Variants in FNBP4 observed in about 807,000 individuals in gnomAD.
FNBP4 encodes formin-binding protein 4.
FNBP4 carries 34 observed loss-of-function variants against 119.3 expected under a neutral mutation model. The observed-to-expected ratio is 0.28, with a 90% confidence interval of 0.22 to 0.38. The LOEUF (loss-of-function observed/expected upper bound fraction) is 0.38. FNBP4 is among the 10% of genes least tolerant of loss of function. The pLI is 1.00. For missense variants in FNBP4, 1,112 were observed against 1,228.9 expected, an observed-to-expected ratio of 0.90 and a Z score of 1.42; for synonymous variants, 462 against 430.6, an observed-to-expected ratio of 1.07 and a Z score of -0.90.
intron 6 of FNBP4, among the ~76,000 whole-genome samples, 165 bp downstream of exon 6, chr11:47,750,751 C>A (rs926166451): frequency 7.1e-6 from 1 of 141,654 alleles, no homozygotes; most frequent in Non-Finnish European, 1.5e-5. Flanking sequence ...AAGTGAGTAA[C>A]CGCTATAAAG....
chr11:47,742,588 C>T (rs928849120), intron 8 of FNBP4, among the ~76,000 whole-genome samples: 1 of 147,882 alleles, frequency 6.8e-6, no homozygotes. Flanking sequence ...GAACTGCCAA[C>T]TGAAAAGAAA....
intron 8 of FNBP4, 134 bp downstream of exon 8, chr11:47,743,819 C>T (rs1565145826): frequency 2.6e-6 from 2 of 783,510 alleles, no homozygotes; most frequent in Non-Finnish European, 2.0e-6. Flanking sequence ...TGGATGGAAG[C>T]TTCCTTCCCA....
At chr11:47,752,320 G>A (rs957285555) in intron 4 of FNBP4, among the ~76,000 whole-genome samples, 1 of 151,492 alleles carries the variant, frequency 6.6e-6, no homozygotes, top group African/African-American at 2.4e-5. Context: ...AGCTGCTCAG[G>A]AGACTGAGGC....
At position 47,765,282 on chromosome 11, in the gene FNBP4, C is replaced by T. The variant is rs1029422134; in HGVS notation, c.301G>A (p.Val101Ile). Residue 101 changes from valine to isoleucine, a missense_variant, in exon 2 of 17, where the codon GTT (valine) becomes ATT (isoleucine). Around this residue, in one of 2 missense-constraint regions of FNBP4, gnomAD observed 286 missense variants for 240.1 expected, o/e 1.19. Transcript: ENST00000263773. ...AACAAAAGCATACCTGTTGCTTTAACAGCTGTGGGTCTAGTGGTCATGACT... is the reference window on the plus strand; with the variant it reads ...AACAAAAGCATACCTGTTGCTTTAATAGCTGTGGGTCTAGTGGTCATGACT... ...KPVMTTRPTA[V>I]KATGGLCLLG... The T allele has an allele frequency of 1.9e-6, 3 of 1,606,296 alleles. 1 individual carries two copies. The highest frequency in any genetic ancestry group is 2.2e-5 in the South Asian group (2 of 89,498).
chr11:47,728,174 C>G (rs1269847126), intron 12 of FNBP4, among the ~76,000 whole-genome samples: 1 of 151,572 alleles, frequency 6.6e-6, no homozygotes, highest in Non-Finnish European at 1.5e-5. Flanking sequence ...CCACACTTGG[C>G]CTACGCAGCT....
At chr11:47,722,926 C>G in intron 15 of FNBP4, 50 bp downstream of exon 15, 1 of 1,447,598 alleles carries the variant, frequency 6.9e-7, no homozygotes, top group South Asian at 1.5e-5. Flanking sequence ...TGAATATAAC[C>G]TCAATAAAAT....
chr11:47,739,752 T>C (rs1324809074), intron 8 of FNBP4, among the ~76,000 whole-genome samples: 1 of 152,156 alleles, frequency 6.6e-6, no homozygotes, highest in African/African-American at 2.4e-5. Context: ...GTCAACTATA[T>C]TCGGCCTGGA....
Position 47,724,407 on chromosome 11 carries a change from C to T in FNBP4, c.2319+61G>A. ...TTAAACATATGCTTCTAAAATAAAA[C>T]ATGGTGTCAATCATGTTCCAGTCCT... On this transcript the variant is annotated intron_variant, in intron 13 of 16. Transcript: ENST00000263773. 12 of 1,610,378 alleles carry T rather than the reference C, an allele frequency of 7.5e-6. No homozygotes were observed. In the South Asian group the frequency reaches 1.3e-4, roughly 18 times the overall value.
At chr11:47,731,881 C>T (rs2135109454) in intron 11 of FNBP4, 1 of 1,039,644 alleles carries the variant, frequency 9.6e-7, no homozygotes, top group Non-Finnish European at 1.2e-6. Flanking sequence ...AATGAAGGGA[C>T]TCAATCGCCT....
chr11:47,733,071 T>A (rs773137057), intron 10 of FNBP4, among the ~76,000 whole-genome samples: 41 of 152,230 alleles, frequency 2.7e-4, no homozygotes, highest in Non-Finnish European at 4.6e-4. Flanking sequence ...TGAGCCGAGA[T>A]CATGCCATTG....
chr11:47,757,758 T>G (rs1426510220), intron 2 of FNBP4, among the ~76,000 whole-genome samples: 1 of 152,074 alleles, frequency 6.6e-6, no homozygotes, highest in Admixed American at 6.6e-5. Context: ...CCTCCCAAAG[T>G]GCTGGGACTA....
rs761721858 is a variant in FNBP4 at position 47,731,443 on chromosome 11, C to G, written c.1939G>C (p.Ala647Pro). 70 of 1,613,854 alleles carry G rather than the reference C, an allele frequency of 4.3e-5. No homozygotes were observed. Among genetic ancestry groups the G allele is most frequent in the Non-Finnish European group, 5.0e-5 (59 of 1,179,960 alleles). Residue 647 changes from alanine (A) to proline (P), a missense_variant, in exon 12 of 17, where the codon GCC (alanine) becomes CCC (proline). By Grantham distance (27) the Ala-to-Pro change is conservative. Transcript: ENST00000263773. ...GTTTTGTCTTTCAAGGTCTGTTTGG[C>G]AAGAGTCTCATCTCTATTTTCTTGT... Reference protein sequence around the residue: ...QAQENRDETLAKQTLKDKTGT... With the variant: ...QAQENRDETLPKQTLKDKTGT...
rs2097563759 is a variant in FNBP4, at chr11:47,728,509, T to G, written c.2008+2865A>C. Among the ~76,000 whole-genome samples the G allele has an allele frequency of 3.3e-5, 5 of 152,120 alleles. No individual in the cohort carries two copies. In the South Asian group the frequency reaches 1.0e-3, roughly 32 times the overall value. ...ATCTGCGCGCCTTGGCCTCCCAAAG[T>G]GCTGGGATTACAGCCGTGAGCTGTA... On this transcript the variant is annotated intron_variant, in intron 12 of 16. Transcript: ENST00000263773.
intron 2 of FNBP4, among the ~76,000 whole-genome samples, chr11:47,762,683 C>G (rs1275543474): frequency 6.6e-6 from 1 of 151,842 alleles, no homozygotes; most frequent in Non-Finnish European, 1.5e-5. Flanking sequence ...GAGGCTGAGG[C>G]AGGTGGATTA....
intron 12 of FNBP4, among the ~76,000 whole-genome samples, chr11:47,730,775 A>G (rs981974730): frequency 2.6e-5 from 4 of 152,204 alleles, no homozygotes; most frequent in African/African-American, 9.6e-5. Context: ...GTATGTAACT[A>G]AACTAAATTC....
chr11:47,730,072 CATT>C (rs2097565697), intron 12 of FNBP4: 1 of 985,258 alleles, frequency 1.0e-6, no homozygotes, highest in Non-Finnish European at 1.2e-6. Context: ...GTTCACAGAA[CATT>C]CAGAATTGGT....
At chr11:47,760,868 A>G (rs574058393) in intron 2 of FNBP4, among the ~76,000 whole-genome samples, 10 of 152,288 alleles carry the variant, frequency 6.6e-5, no homozygotes, top group South Asian at 6.2e-4. Flanking sequence ...TAGATTCCAT[A>G]TATCTTAAGT....
rs900974149 is a variant in FNBP4 at position 47,752,861 on chromosome 11, C to T, written c.637+55G>A. On this transcript the variant is annotated intron_variant, in intron 4 of 16. Transcript: ENST00000263773. Reference sequence around the variant, plus strand: ...AACAAAAAACCAGAAAAGTGAATGCCTAGAATCCCTTTAAGGATTTTACTT... The same window carrying T: ...AACAAAAAACCAGAAAAGTGAATGCTTAGAATCCCTTTAAGGATTTTACTT... 46 of 1,444,402 alleles carry T rather than the reference C, an allele frequency of 3.2e-5. No homozygotes were observed. In the African/African-American group the frequency reaches 6.1e-4, roughly 19 times the overall value. The allele number at this position is 1,444,402 out of a possible 1,614,324, so 89.5% of individuals were successfully genotyped here. A position where few individuals can be genotyped will look rare whatever the true frequency, so the allele number is the denominator to read the frequency against.
chr11:47,721,080 G>T (rs530376788), intron 15 of FNBP4, among the ~76,000 whole-genome samples: 4 of 152,100 alleles, frequency 2.6e-5, no homozygotes, highest in Admixed American at 2.6e-4. Flanking sequence ...TAATCACTTT[G>T]GGAGGCCGAG....
Sources: allele counts gnomAD v4.1 joint callset (sites outside exome capture counted in the v4.1 genomes callset), GRCh38; gene constraint gnomAD v4.1.1; regional missense constraint gnomAD v4.1.1; transcripts MANE v1.5; gene names NCBI Gene and HGNC (gene_info 2026-07-23, HGNC 2026-07-21).